TRIM9: variants seen among roughly 807,000 people sequenced by gnomAD.
TRIM9 encodes the protein tripartite motif containing 9.
In TRIM9, 26 loss-of-function variants were observed where a neutral mutation model predicts 78.3. That is an observed-to-expected ratio of 0.33 (90% CI 0.24 to 0.46). The LOEUF is 0.46. Among genes scored for constraint, TRIM9 ranks in the 20% least tolerant of loss-of-function variants. TRIM9 has a pLI of 1.00. For missense variants in TRIM9, 787 were observed against 1,036.4 expected (o/e 0.76, Z 3.30); for synonymous variants, 398 against 416.5 (o/e 0.96, Z 0.54).
At chr14:51,004,696 C>T (rs1033603077) in intron 5 of TRIM9, among the ~76,000 whole-genome samples, 1 of 152,150 alleles carries the variant, frequency 6.6e-6, no homozygotes, top group Non-Finnish European at 1.5e-5. Flanking sequence ...CTTTATTGTG[C>T]AGCTGAGGAA....
At chr14:51,049,831 A>AT (rs1225589526) in intron 1 of TRIM9, among the ~76,000 whole-genome samples, 6 of 151,812 alleles carry the variant, frequency 4.0e-5, no homozygotes, top group East Asian at 3.9e-4. Context: ...TCTCAAAAAA[A>AT]AAAATAAAAT....
intron 1 of TRIM9, among the ~76,000 whole-genome samples, chr14:51,046,087 C>T (rs549072490): frequency 7.0e-6 from 1 of 141,882 alleles, no homozygotes; most frequent in South Asian, 2.3e-4. Context: ...AAAATGCAGG[C>T]TTTGGAATGA....
At chr14:51,064,388 T>C (rs1278605769) in intron 1 of TRIM9, among the ~76,000 whole-genome samples, 1 of 152,050 alleles carries the variant, frequency 6.6e-6, no homozygotes, top group Admixed American at 6.6e-5. Flanking sequence ...GCAAAAATTA[T>C]ATTAAATTCA....
intron 5 of TRIM9, among the ~76,000 whole-genome samples, 179 bp from the exon 6 acceptor site, chr14:51,001,019 G>A (rs1188776556): frequency 6.6e-6 from 1 of 152,116 alleles, no homozygotes; most frequent in African/African-American, 2.4e-5. Flanking sequence ...CTGATTTGCT[G>A]TGAGGCCATT....
intron 1 of TRIM9, among the ~76,000 whole-genome samples, chr14:51,044,447 G>C (rs1209765623): frequency 6.6e-6 from 1 of 152,184 alleles, no homozygotes; most frequent in East Asian, 1.9e-4. Flanking sequence ...GTTTTTGAGA[G>C]GGGTTTCTGA....
chr14:51,038,154 CAT>C (rs1370049866), intron 1 of TRIM9, among the ~76,000 whole-genome samples: 1 of 152,130 alleles, frequency 6.6e-6, no homozygotes, highest in East Asian at 1.9e-4. Context: ...AATTTAATGA[CAT>C]GAGTCCTTAA....
intron 1 of TRIM9, among the ~76,000 whole-genome samples, chr14:51,092,891 G>C (rs536505317): frequency 2.2e-4 from 34 of 152,252 alleles, no homozygotes; most frequent in Non-Finnish European, 4.1e-4. Context: ...CGGGTGTCTG[G>C]GTGGGTGGCG....
intron 1 of TRIM9, among the ~76,000 whole-genome samples, chr14:51,069,977 A>G (rs2062073291): frequency 6.6e-6 from 1 of 152,256 alleles, no homozygotes; most frequent in Admixed American, 6.5e-5. Flanking sequence ...GAATGGCTAA[A>G]AAATGAGTTG....
chr14:51,025,172 A>G lies in TRIM9; in HGVS notation c.918+93T>C, dbSNP rs1208503521. The stretch of plus-strand genomic sequence containing the variant: ...ACCACAAAATAGGAATTTTCCCACG[A>G]CACATAAAAATAAAAGAGGAGAAGG... On this transcript the variant is annotated intron_variant, in intron 2 of 12. Transcript: ENST00000684578. The G allele has an allele frequency of 7.0e-6, 8 of 1,146,882 alleles. No homozygotes were observed. In the South Asian group the frequency reaches 8.2e-5, roughly 12 times the overall value. 71.0% of individuals were successfully genotyped at this position (1,146,882 alleles called of 1,614,324 possible). A position where few individuals can be genotyped will look rare whatever the true frequency, so the allele number is the denominator to read the frequency against.
chr14:50,996,827 C>T, intron 7 of TRIM9: 1 of 985,432 alleles, frequency 1.0e-6, no homozygotes, highest in Non-Finnish European at 1.2e-6. Flanking sequence ...CATTTTCCCT[C>T]AGCATATCCT....
intron 1 of TRIM9, among the ~76,000 whole-genome samples, chr14:51,049,446 A>C (rs1161720748): frequency 2.6e-5 from 4 of 152,178 alleles, no homozygotes; most frequent in African/African-American, 9.7e-5. Context: ...GCTCAGCACA[A>C]CTCAGGAATG....
chr14:50,990,756 T>C (rs952472137), intron 7 of TRIM9, among the ~76,000 whole-genome samples: 3 of 152,216 alleles, frequency 2.0e-5, no homozygotes, highest in Admixed American at 1.3e-4. Context: ...AAGATGGTTG[T>C]ATTTTGGAGC....
intron 5 of TRIM9, among the ~76,000 whole-genome samples, chr14:51,004,598 C>T (rs970261143): frequency 6.6e-6 from 1 of 152,198 alleles, no homozygotes; most frequent in Non-Finnish European, 1.5e-5. Context: ...AAGCACTTTA[C>T]TGAATGCCAG....
intron 5 of TRIM9, among the ~76,000 whole-genome samples, chr14:51,007,149 C>G (rs777061473): frequency 6.6e-6 from 1 of 152,124 alleles, no homozygotes; most frequent in Admixed American, 6.5e-5. Flanking sequence ...CTCACTGAGG[C>G]TAATTGGGTT....
intron 6 of TRIM9, 29 bp downstream of exon 6, chr14:51,000,654 A>G: frequency 6.2e-7 from 1 of 1,612,692 alleles, no homozygotes. Flanking sequence ...GCTTTGGGTT[A>G]ACAAGTACGT....
At chr14:51,012,628 T>C (rs1246719609) in intron 3 of TRIM9, among the ~76,000 whole-genome samples, 1 of 152,166 alleles carries the variant, frequency 6.6e-6, no homozygotes, top group East Asian at 1.9e-4. Flanking sequence ...TTTTGAGGGA[T>C]CACCATACTG....
chr14:51,089,510 ATTAATAGCATCTT>A (rs1265356719), intron 1 of TRIM9: 1 of 152,222 alleles, frequency 6.6e-6, no homozygotes, highest in Non-Finnish European at 1.5e-5. Flanking sequence ...TGAAACTCCA[ATTAATAGCATCTT>A]TTCATGGCAT....
At chr14:51,092,478 T>C (rs948279769) in intron 1 of TRIM9, among the ~76,000 whole-genome samples, 1 of 152,188 alleles carries the variant, frequency 6.6e-6, no homozygotes, top group African/African-American at 2.4e-5. Context: ...AGCTACCCTT[T>C]CTAGTCTCCA....
chr14:51,037,417 C>T (rs1221824642), intron 1 of TRIM9, among the ~76,000 whole-genome samples: 1 of 151,912 alleles, frequency 6.6e-6, no homozygotes. Context: ...GACCTAGACC[C>T]CTGATAAAAA....
Sources: allele counts gnomAD v4.1 joint callset (sites outside exome capture counted in the v4.1 genomes callset), GRCh38; gene constraint gnomAD v4.1.1; transcripts MANE v1.5; gene names NCBI Gene and HGNC (gene_info 2026-07-23, HGNC 2026-07-21).